The following HMG20A variants were observed in gnomAD, a reference collection of about 807,000 sequenced individuals.
HMG20A encodes high mobility group 20A.
A neutral mutation model predicts 43.9 loss-of-function variants in HMG20A; 17 were observed. The ratio of observed to expected loss-of-function variants is 0.39; its 90% CI spans 0.27 to 0.58. The LOEUF is 0.58. HMG20A is among the 20% of genes least tolerant of loss of function. The pLI is 0.59. For missense variants in HMG20A, 341 were observed against 438.2 expected (o/e 0.78, Z 1.98); for synonymous variants, 132 against 147.5 (o/e 0.89, Z 0.76).
At chr15:77,500,758 AG>A in the HMG20A span, among the ~76,000 whole-genome samples, 5 of 152,006 alleles carry the variant, frequency 3.3e-5, no homozygotes, top group African/African-American at 1.2e-4. Context: ...TAGTAGAGAC[AG>A]GGTTTCACCA....
intron 6 of HMG20A, among the ~76,000 whole-genome samples, chr15:77,474,282 C>G (rs954245949): frequency 6.6e-6 from 1 of 152,158 alleles, no homozygotes; most frequent in African/African-American, 2.4e-5. Flanking sequence ...ACCATAGATC[C>G]TAAATACATA....
At chr15:77,424,257 G>A (rs893799596) in intron 1 of HMG20A, among the ~76,000 whole-genome samples, 14 of 152,102 alleles carry the variant, frequency 9.2e-5, no homozygotes, top group African/African-American at 3.4e-4. Context: ...TGTTAAATAT[G>A]CAGTCCCTTT....
At position 77,483,560 on chromosome 15, in the gene HMG20A, G is replaced by A. The variant is rs1420422992; in HGVS notation, c.*597G>A. On this transcript the variant is annotated 3_prime_UTR_variant, in exon 10 of 10. Transcript: ENST00000336216. The stretch of plus-strand genomic sequence containing the variant: ...CCCTGCTGTGACTCCAAAGAAAGGA[G>A]CTTCTTGCTGACAGTGCCCTGTGGA... 2 of 152,762 alleles carry A rather than the reference G, an allele frequency of 1.3e-5. No individual in the cohort carries two copies. Among genetic ancestry groups the A allele is most frequent in the African/African-American group, 2.4e-5 (1 of 41,452 alleles). The allele number at this position is 152,762 out of a possible 1,614,324, so 9.5% of individuals were successfully genotyped here.
At chr15:77,496,007 C>G in the HMG20A span, among the ~76,000 whole-genome samples, 1 of 152,170 alleles carries the variant, frequency 6.6e-6, no homozygotes, top group African/African-American at 2.4e-5. Flanking sequence ...CTTCCTCTTG[C>G]AATCCCAGGA....
chr15:77,471,830 T>C lies in HMG20A; in HGVS notation c.615+16T>C. ...TGATCATGAGGTAATTAGCCATCTG[T>C]CTACATATCATATATATGTATTTAT... On this transcript the variant is annotated intron_variant, in intron 6 of 9. Coordinates refer to ENST00000336216, the MANE Select transcript of HMG20A (RefSeq NM_001304504.2). 1 of 1,460,446 alleles carries C rather than the reference T, an allele frequency of 6.8e-7. No homozygotes were observed. The highest frequency in any genetic ancestry group is 1.2e-5 in the South Asian group (1 of 82,418). 90.5% of individuals were successfully genotyped at this position (1,460,446 alleles called of 1,614,324 possible).
At chr15:77,493,600 T>A in the HMG20A span, among the ~76,000 whole-genome samples, 1 of 152,176 alleles carries the variant, frequency 6.6e-6, no homozygotes, top group Non-Finnish European at 1.5e-5. Context: ...AATAGGGAGC[T>A]AAATTGTGGC....
At chr15:77,476,969 GTGTT>G (rs1165524829) in intron 6 of HMG20A, among the ~76,000 whole-genome samples, 11 of 152,034 alleles carry the variant, frequency 7.2e-5, no homozygotes, top group African/African-American at 1.4e-4. Context: ...TCGGTCTCAT[GTGTT>G]TGTTTGTTTA....
chr15:77,473,039 T>C (rs1472945694), intron 6 of HMG20A, among the ~76,000 whole-genome samples: 9 of 152,256 alleles, frequency 5.9e-5, no homozygotes, highest in African/African-American at 1.7e-4. Context: ...AATTTTCTGA[T>C]GTACTCTTTT....
chr15:77,423,124 G>A (rs1424339492), intron 1 of HMG20A, among the ~76,000 whole-genome samples: 1 of 152,132 alleles, frequency 6.6e-6, no homozygotes, highest in African/African-American at 2.4e-5. Flanking sequence ...AAGAAATACA[G>A]TATAATAGAA....
At chr15:77,504,398 G>A in the HMG20A span, among the ~76,000 whole-genome samples, 1 of 152,234 alleles carries the variant, frequency 6.6e-6, no homozygotes, top group East Asian at 1.9e-4. Context: ...AATTCCTAGA[G>A]TTCTCCCTGC....
At chr15:77,515,710 AAAACACTCC>A in the HMG20A span, among the ~76,000 whole-genome samples, 2,171 of 152,350 alleles carry the variant, frequency 0.014, 50 homozygotes, top group African/African-American at 0.049. Flanking sequence ...GCTGATTTTC[AAAACACTCC>A]AAACATTGTA....
chr15:77,508,717 C>G, the HMG20A span, among the ~76,000 whole-genome samples: 1 of 152,260 alleles, frequency 6.6e-6, no homozygotes, highest in African/African-American at 2.4e-5. Flanking sequence ...ACCAGCAAAG[C>G]AGGGCACGCC....
At chr15:77,505,362 C>T in the HMG20A span, among the ~76,000 whole-genome samples, 2 of 152,240 alleles carry the variant, frequency 1.3e-5, no homozygotes, top group East Asian at 3.8e-4. Context: ...TTTCCTAGGA[C>T]ATCTTCTTCA....
chr15:77,429,246 C>T (rs2073459058), intron 1 of HMG20A, among the ~76,000 whole-genome samples: 1 of 151,828 alleles, frequency 6.6e-6, no homozygotes, highest in Admixed American at 6.6e-5. Context: ...GAGACGGAGT[C>T]TTGCTCTGTC....
intron 2 of HMG20A, 73 bp from the exon 3 acceptor site, chr15:77,464,167 C>T: frequency 6.5e-7 from 1 of 1,527,132 alleles, no homozygotes; most frequent in Non-Finnish European, 9.0e-7. Context: ...CTTTTGCTGG[C>T]AGGGAAATTT....
intron 1 of HMG20A, among the ~76,000 whole-genome samples, chr15:77,443,358 GATGA>G (rs1396104652): frequency 8.2e-6 from 1 of 122,322 alleles, no homozygotes; most frequent in African/African-American, 2.9e-5. Context: ...TTTTTATGAT[GATGA>G]TGATGATGAT....
the HMG20A span, among the ~76,000 whole-genome samples, chr15:77,494,562 T>C: frequency 2.6e-5 from 4 of 152,194 alleles, no homozygotes; most frequent in African/African-American, 9.6e-5. Flanking sequence ...TAAACTTACA[T>C]GAGTCTGCCA....
the HMG20A span, among the ~76,000 whole-genome samples, chr15:77,493,187 T>G: frequency 5.3e-5 from 8 of 152,144 alleles, no homozygotes; most frequent in African/African-American, 1.9e-4. Context: ...TGTTGCCATG[T>G]GGTATCAAAT....
intron 8 of HMG20A, 149 bp downstream of exon 8, chr15:77,478,659 A>G: frequency 4.5e-6 from 3 of 666,206 alleles, no homozygotes; most frequent in Non-Finnish European, 7.6e-6. Flanking sequence ...TCTGGATATA[A>G]TAGAATGTCA....
Sources: gnomAD v4.1 joint callset for allele counts (sites outside exome capture counted in the v4.1 genomes callset) on GRCh38, gnomAD v4.1.1 for gene constraint, MANE v1.5 for transcripts, NCBI Gene and HGNC (gene_info 2026-07-23, HGNC 2026-07-21) for gene names.